The following PDZRN3 variants were observed in gnomAD, a reference collection of about 807,000 sequenced individuals.
The protein encoded by PDZRN3 is E3 ubiquitin-protein ligase PDZRN3.
PDZRN3 carries 38 observed loss-of-function variants against 85.7 expected under a neutral mutation model. The observed-to-expected ratio is 0.44, with a 90% CI of 0.34 to 0.58. PDZRN3 has a LOEUF of 0.58. Among genes scored for constraint, PDZRN3 ranks in the 20% least tolerant of loss-of-function variants. The pLI, the probability that PDZRN3 is intolerant of heterozygous loss-of-function variation, is 0.01. For synonymous variants in PDZRN3, 759 were observed against 638.0 expected (o/e 1.19, Z -2.86); for missense variants, 1,629 against 1,506.4 (o/e 1.08, Z -1.35).
Position 73,391,075 on chromosome 3 carries a change from G to T in PDZRN3, c.1296C>A (p.Gly432=). ...CGTCCGTCCGGTAGCACACAGTGAG[G>T]CCCAGCTTGTCCTGGCTGTTCATTC... ...LYRMNSQDKL[G]LTVCYRTDDE... Residue 432 remains glycine (G), a synonymous_variant, in exon 6 of 10, where the codon GGC becomes GGA. Coordinates refer to ENST00000263666, the MANE Select transcript of PDZRN3 (RefSeq NM_015009.3). 4 of 1,613,784 alleles carry T rather than the reference G, an allele frequency of 2.5e-6. No individual in the cohort carries two copies. The highest frequency in any genetic ancestry group is 3.4e-6 in the Non-Finnish European group (4 of 1,179,712).
At position 73,384,715 on chromosome 3, in the gene PDZRN3, G is replaced by A. The variant is rs1701321205; in HGVS notation, c.1851C>T (p.Asp617=). The change falls in exon 10 of 10, where the codon GAC becomes GAT. Residue 617 remains aspartate (D), a synonymous_variant. Coordinates refer to ENST00000263666, the MANE Select transcript of PDZRN3 (RefSeq NM_015009.3). ...TCSQDTLGSG[D]LPFSNESFIS... is the part of the protein sequence containing the mutation. ...TGAAAGACTCGTTGCTGAAGGGCAGGTCGCCGCTGCCCAAGGTGTCCTGGC... is the reference window on the plus strand; with the variant it reads ...TGAAAGACTCGTTGCTGAAGGGCAGATCGCCGCTGCCCAAGGTGTCCTGGC... The A allele has an allele frequency of 6.2e-7, 1 of 1,613,912 alleles. No individual in the cohort carries two copies. The highest frequency in any genetic ancestry group is 1.3e-5 in the African/African-American group (1 of 74,956).
At chr3:73,424,301 G>A (rs542624865) in intron 3 of PDZRN3, among the ~76,000 whole-genome samples, 12 of 147,434 alleles carry the variant, frequency 8.1e-5, no homozygotes, top group Non-Finnish European at 1.5e-4. Flanking sequence ...GGAGGCCAAG[G>A]CAGGTGGATC....
In PDZRN3 at chr3:73,445,539, C is replaced by G. The variant is rs56107730; in HGVS notation, c.919-41144G>C. On this transcript the variant is annotated intron_variant, in intron 3 of 9. Coordinates refer to ENST00000263666, the MANE Select transcript of PDZRN3 (RefSeq NM_015009.3). ...TCATGTGCTATCAAGTCTGAAATTA[C>G]TTACCAAGCCTCTATCCTAGATTTA... Among the ~76,000 whole-genome samples, 353 of 152,326 alleles carry G rather than the reference C, an allele frequency of 2.3e-3. 3 individuals carry two copies. The highest frequency in any genetic ancestry group is 0.01 in the Middle Eastern group (3 of 294).
intron 3 of PDZRN3, among the ~76,000 whole-genome samples, chr3:73,436,900 G>C (rs1702540904): frequency 6.6e-6 from 1 of 151,950 alleles, no homozygotes; most frequent in Non-Finnish European, 1.5e-5. Context: ...CAAAAAATTA[G>C]CCAGGTGTGG....
chr3:73,420,948 C>T (rs1702188484), intron 3 of PDZRN3, among the ~76,000 whole-genome samples: 1 of 152,122 alleles, frequency 6.6e-6, no homozygotes, highest in Non-Finnish European at 1.5e-5. Context: ...CTTGGCATAC[C>T]AACTACATCC....
At chr3:73,388,790 C>T (rs1011222132) in intron 7 of PDZRN3, among the ~76,000 whole-genome samples, 9 of 151,720 alleles carry the variant, frequency 5.9e-5, no homozygotes, top group Admixed American at 1.3e-4. Flanking sequence ...GGAGTGATTG[C>T]CCTCAATTAC....
chr3:73,594,623 C>T (rs1221930866), intron 3 of PDZRN3, among the ~76,000 whole-genome samples: 1 of 152,100 alleles, frequency 6.6e-6, no homozygotes, highest in East Asian at 1.9e-4. Flanking sequence ...ACCTGGGTCT[C>T]CTGATTTAAA....
intron 3 of PDZRN3, among the ~76,000 whole-genome samples, chr3:73,601,031 C>A (rs1702508609): frequency 6.6e-6 from 1 of 152,152 alleles, no homozygotes; most frequent in Non-Finnish European, 1.5e-5. Context: ...ATCATTTTAG[C>A]ATGTAAGTTA....
At chr3:73,541,312 C>T (rs934083245) in intron 3 of PDZRN3, among the ~76,000 whole-genome samples, 3 of 152,126 alleles carry the variant, frequency 2.0e-5, no homozygotes, top group African/African-American at 7.2e-5. Flanking sequence ...ATATAATCTC[C>T]CCTAATCTCA....
At chr3:73,538,428 A>G (rs1215313459) in intron 3 of PDZRN3, among the ~76,000 whole-genome samples, 2 of 152,222 alleles carry the variant, frequency 1.3e-5, no homozygotes, top group Admixed American at 6.5e-5. Flanking sequence ...AGTTTTCTGA[A>G]GGTCAGCAAA....
intron 3 of PDZRN3, among the ~76,000 whole-genome samples, chr3:73,452,874 T>TGTGTGTGTGTGTGTGTGTG (rs71126871): frequency 5.3e-5 from 8 of 151,636 alleles, no homozygotes; most frequent in South Asian, 2.1e-4. Context: ...TGTGTGTGTG[T>TGTGTGTGTGTGTGTGTGTG]TTTAAGTCCA....
intron 3 of PDZRN3, among the ~76,000 whole-genome samples, chr3:73,583,771 C>T (rs1043595077): frequency 2.0e-5 from 3 of 152,092 alleles, no homozygotes; most frequent in East Asian, 1.9e-4. Context: ...AGCTCACAAA[C>T]GTATGATGGA....
At chr3:73,608,248 G>A (rs1575761815) in intron 2 of PDZRN3, among the ~76,000 whole-genome samples, 1 of 152,084 alleles carries the variant, frequency 6.6e-6, no homozygotes, top group African/African-American at 2.4e-5. Flanking sequence ...ACTCCAGCTC[G>A]GTCTAGGACG....
intron 3 of PDZRN3, among the ~76,000 whole-genome samples, chr3:73,456,848 G>C (rs1449471318): frequency 6.6e-6 from 1 of 151,902 alleles, no homozygotes; most frequent in Non-Finnish European, 1.5e-5. Flanking sequence ...TAGCCAGAGA[G>C]ATAAATAATA....
intron 3 of PDZRN3, among the ~76,000 whole-genome samples, chr3:73,481,862 A>G (rs1703567616): frequency 6.6e-6 from 1 of 151,866 alleles, no homozygotes; most frequent in Non-Finnish European, 1.5e-5. Context: ...AGAAAAAGAC[A>G]AAAAAAGAAT....
chr3:73,516,992 C>T (rs1462897756), intron 3 of PDZRN3, among the ~76,000 whole-genome samples: 1 of 152,154 alleles, frequency 6.6e-6, no homozygotes, highest in Non-Finnish European at 1.5e-5. Context: ...GTTTTGGTGG[C>T]CCCTCCTCAA....
intron 3 of PDZRN3, among the ~76,000 whole-genome samples, chr3:73,426,348 T>G (rs898525955): frequency 1.3e-5 from 2 of 152,176 alleles, no homozygotes; most frequent in African/African-American, 4.8e-5. Flanking sequence ...ATTCTTTCAC[T>G]TCTGCACTAT....
chr3:73,575,663 C>T (rs1206030699), intron 3 of PDZRN3, among the ~76,000 whole-genome samples: 1 of 152,138 alleles, frequency 6.6e-6, no homozygotes, highest in Non-Finnish European at 1.5e-5. Flanking sequence ...ATAGAAAGAA[C>T]CTGCATTGTG....
intron 3 of PDZRN3, among the ~76,000 whole-genome samples, chr3:73,420,318 A>T (rs761976070): frequency 2.6e-5 from 4 of 152,136 alleles, no homozygotes; most frequent in Non-Finnish European, 5.9e-5. Flanking sequence ...GTGCATTTTC[A>T]TCTGTGTGAT....
Sources: allele counts gnomAD v4.1 joint callset (sites outside exome capture counted in the v4.1 genomes callset), GRCh38; gene constraint gnomAD v4.1.1; transcripts MANE v1.5; gene names NCBI Gene and HGNC (gene_info 2026-07-23, HGNC 2026-07-21).